The following CAPN5 variants were observed in gnomAD, a reference collection of about 807,000 sequenced individuals.
The protein encoded by CAPN5 is calpain 5.
In CAPN5, 54 loss-of-function variants were observed where a neutral mutation model predicts 73.0. That is an observed-to-expected ratio of 0.74 (90% CI 0.59 to 0.93). CAPN5 has a LOEUF of 0.93. Among genes scored for constraint, CAPN5 ranks in the 40% least tolerant of loss-of-function variants. The probability of loss-of-function intolerance (pLI) is 0.00; values close to 1 mark genes in which losing one functional copy is unlikely to be tolerated. For missense variants in CAPN5, 785 were observed against 882.9 expected (o/e 0.89, Z 1.41); for synonymous variants, 335 against 356.9 (o/e 0.94, Z 0.69).
Position 77,122,561 on chromosome 11 carries a change from A to ACCCCCC in CAPN5, c.1604-14_1604-13insCCCCCC. 1.1e-6 allele frequency: 1 copy of ACCCCCC among 925,256 alleles called. No individual in the cohort carries two copies. The highest frequency in any genetic ancestry group is 3.5e-5 in the Admixed American group (1 of 28,312). 57.3% of individuals were successfully genotyped at this position (925,256 alleles called of 1,614,324 possible). ...CACCCCCACCCTCACCCCATCTCCC[A>ACCCCCC]CTCCCTCTCCCTAGGGGCTAACTCT... On this transcript the variant is annotated splice_polypyrimidine_tract_variant and intron_variant, in intron 11 of 12. Transcript: ENST00000648180.
At chr11:77,114,507 A>G in intron 5 of CAPN5, 73 bp downstream of exon 5, 2 of 1,373,510 alleles carry the variant, frequency 1.5e-6, no homozygotes, top group Non-Finnish European at 2.1e-6. Context: ...GACAACTGTG[A>G]CATCCCACGC....
Position 77,123,811 on chromosome 11 carries a change from A to C in CAPN5, c.1864A>C (p.Asn622His). 6.2e-7 allele frequency: 1 copy of C among 1,613,862 alleles called. No individual in the cohort carries two copies. The stretch of plus-strand genomic sequence containing the variant: ...GGACCGAAATAGCCGGCAGCCCAGC[A>C]ACCTGCCAGGCACTGTGGCCGTGCA... ...LRDRNSRQPS[N>H]LPGTVAVHIL... The change falls in exon 13 of 13, where the codon AAC (asparagine) becomes CAC (histidine). Residue 622 changes from asparagine to histidine, a missense_variant. Asn to His is a moderately conservative substitution (Grantham distance 68, BLOSUM62 1). Transcript: ENST00000648180.
At chr11:77,104,650 G>C (rs1555039585) in intron 3 of CAPN5, among the ~76,000 whole-genome samples, 1 of 151,702 alleles carries the variant, frequency 6.6e-6, no homozygotes, top group Non-Finnish European at 1.5e-5. Context: ...TGCCTGACCT[G>C]CACCTAACAT....
At chr11:77,103,481 C>T in intron 3 of CAPN5, 1 of 900,702 alleles carries the variant, frequency 1.1e-6, no homozygotes, top group South Asian at 1.7e-5. Context: ...CACCTTTCCT[C>T]CTCTGCTTCT....
intron 1 of CAPN5, among the ~76,000 whole-genome samples, chr11:77,082,010 G>A (rs1324047762): frequency 2.0e-5 from 3 of 152,102 alleles, no homozygotes; most frequent in Admixed American, 2.0e-4. Flanking sequence ...ATTGGACCCT[G>A]GGATAGAGAG....
chr11:77,100,973 T>C (rs1950277691), intron 3 of CAPN5, among the ~76,000 whole-genome samples: 1 of 152,136 alleles, frequency 6.6e-6, no homozygotes, highest in Non-Finnish European at 1.5e-5. Flanking sequence ...CCAGTCTCTC[T>C]GACCTCACCT....
chr11:77,093,824 G>A lies in CAPN5; in HGVS notation c.297+11G>A, dbSNP rs374146255. 84 of 1,607,108 alleles carry A rather than the reference G, an allele frequency of 5.2e-5. 1 individual carries two copies. Among genetic ancestry groups the A allele is most frequent in the African/African-American group, 2.1e-4 (16 of 74,950 alleles). On this transcript the variant is annotated intron_variant, in intron 3 of 12. Transcript: ENST00000648180. ...TCGCTGTGGCAAAAGGTGAGGCCTC[G>A]GGCAGAGTGGGCAGGGTGCTGGGGA... is the stretch of plus-strand genomic sequence containing the variant.
At chr11:77,077,234 G>A (rs901228225) in intron 1 of CAPN5, among the ~76,000 whole-genome samples, 1 of 152,074 alleles carries the variant, frequency 6.6e-6, no homozygotes, top group Non-Finnish European at 1.5e-5. Context: ...GCGCATGCCT[G>A]TAGTCCCAGC....
chr11:77,085,173 G>T, intron 2 of CAPN5, 122 bp downstream of exon 2: 2 of 813,842 alleles, frequency 2.5e-6, no homozygotes, highest in Non-Finnish European at 4.0e-6. Flanking sequence ...CTGAGAAAGT[G>T]AGGGTGCTGA....
At chr11:77,081,169 C>T (rs893095906) in intron 1 of CAPN5, among the ~76,000 whole-genome samples, 4 of 152,180 alleles carry the variant, frequency 2.6e-5, no homozygotes, top group East Asian at 3.8e-4. Context: ...CTCCAGACTC[C>T]GTATCCTAGG....
chr11:77,078,645 T>G (rs898504044), intron 1 of CAPN5, among the ~76,000 whole-genome samples: 3 of 152,352 alleles, frequency 2.0e-5, no homozygotes, highest in Admixed American at 2.0e-4. Flanking sequence ...ATCTGTAGAT[T>G]GTTTTGGGTA....
At chr11:77,087,811 G>A (rs1950104481) in intron 2 of CAPN5, 2 of 1,253,852 alleles carry the variant, frequency 1.6e-6, no homozygotes, top group Admixed American at 2.3e-5. Flanking sequence ...GAGCCACCTT[G>A]GTTGGGACAT....
intron 3 of CAPN5, chr11:77,103,031 G>A: frequency 1.2e-6 from 2 of 1,613,610 alleles, no homozygotes; most frequent in Non-Finnish European, 8.5e-7. Flanking sequence ...AGCGGCTACA[G>A]TTCGAGCGCT....
intron 1 of CAPN5, among the ~76,000 whole-genome samples, chr11:77,073,943 A>G (rs1459473891): frequency 1.3e-5 from 2 of 151,958 alleles, no homozygotes; most frequent in African/African-American, 4.8e-5. Context: ...TCCACCGCAC[A>G]TTCTCCCTCC....
intron 8 of CAPN5, 152 bp downstream of exon 8, chr11:77,118,504 C>A: frequency 1.6e-6 from 1 of 639,768 alleles, no homozygotes; most frequent in Non-Finnish European, 2.7e-6. Context: ...TAGATGGGCA[C>A]ATCCGTCCCA....
Position 77,067,260 on chromosome 11 carries a change from C to G in CAPN5, c.-36+166C>G, listed in dbSNP as rs1248680219. Among the ~76,000 whole-genome samples the G allele has an allele frequency of 1.8e-4, 27 of 149,198 alleles. No individual in the cohort carries two copies. The East Asian group carries it at 3.0e-3, about 17-fold the overall frequency. On this transcript the variant is annotated intron_variant, in intron 1 of 12. Transcript: ENST00000648180. The stretch of plus-strand genomic sequence containing the variant: ...CGGGGGGAAAGGAAGTGAGCGCTGG[C>G]TGGGGGGCGGGGTCCTGGAGCATCC...
In CAPN5 at chr11:77,118,441, G is replaced by A. The variant is rs1327938001; in HGVS notation, c.1167+89G>A. 2.4e-5 allele frequency: 27 copies of A among 1,144,818 alleles called. No individual in the cohort carries two copies. In the East Asian group the frequency reaches 3.4e-4, roughly 14 times the overall value. The allele number at this position is 1,144,818 out of a possible 1,614,324, so 70.9% of individuals were successfully genotyped here. A position where few individuals can be genotyped will look rare whatever the true frequency, so the allele number is the denominator to read the frequency against. Reference sequence around the variant, plus strand: ...TGCCAGGGACTCCTGCATGACCTTGGGTAATCCCTGTCCTTCCTTGGGCCT... The same window carrying A: ...TGCCAGGGACTCCTGCATGACCTTGAGTAATCCCTGTCCTTCCTTGGGCCT... On this transcript the variant is annotated intron_variant, in intron 8 of 12. Coordinates refer to ENST00000648180, the MANE Select transcript of CAPN5 (RefSeq NM_004055.5).
chr11:77,118,136 T>C (rs782402906), intron 7 of CAPN5, 21 bp from the exon 8 acceptor site: 5 of 1,599,438 alleles, frequency 3.1e-6, no homozygotes, highest in Admixed American at 3.4e-5. Flanking sequence ...GGTACCCTGC[T>C]CAGCCCCTCC....
intron 4 of CAPN5, among the ~76,000 whole-genome samples, chr11:77,113,540 G>GA (rs1248608967): frequency 7.9e-5 from 12 of 152,118 alleles, no homozygotes; most frequent in African/African-American, 2.7e-4. Flanking sequence ...CAATCTTGCT[G>GA]AAAAAATGTG....
Sources: gnomAD v4.1 joint callset for allele counts (sites outside exome capture counted in the v4.1 genomes callset) on GRCh38, gnomAD v4.1.1 for gene constraint, MANE v1.5 for transcripts, NCBI Gene and HGNC (gene_info 2026-07-23, HGNC 2026-07-21) for gene names.